E2F2: variants seen among roughly 807,000 people sequenced by gnomAD.
E2F2 encodes E2F transcription factor 2.
E2F2 carries 22 observed loss-of-function variants against 42.2 expected under a neutral mutation model. That is an observed-to-expected ratio of 0.52 (90% confidence interval 0.37 to 0.74). The LOEUF (loss-of-function observed/expected upper bound fraction) is 0.74. E2F2 is among the 30% of genes least tolerant of loss of function. The pLI is 0.00. For synonymous variants in E2F2, 248 were observed against 251.6 expected, an observed-to-expected ratio of 0.99 and a Z score of 0.13; for missense variants, 481 against 557.8, an observed-to-expected ratio of 0.86 and a Z score of 1.39.
At chr1:23,527,401 T>C (rs1643268965) in intron 1 of E2F2, among the ~76,000 whole-genome samples, 1 of 152,228 alleles carries the variant, frequency 6.6e-6, no homozygotes, top group East Asian at 1.9e-4. Context: ...CTGGACGCTC[T>C]TAGGCAGCCC....
intron 3 of E2F2, chr1:23,521,597 C>T (rs1187172351): frequency 1.5e-5 from 15 of 985,290 alleles, no homozygotes; most frequent in South Asian, 1.4e-4. Context: ...CTCCACTCTG[C>T]CCCGCATCAC....
chr1:23,517,271 A>T (rs1000868358), intron 5 of E2F2, among the ~76,000 whole-genome samples: 1 of 152,096 alleles, frequency 6.6e-6, no homozygotes, highest in Non-Finnish European at 1.5e-5. Context: ...CTTCCCTACC[A>T]CATAACCGCA....
intron 3 of E2F2, chr1:23,521,475 T>C (rs1471071236): frequency 5.6e-6 from 5 of 895,198 alleles, no homozygotes; most frequent in Non-Finnish European, 6.7e-6. Context: ...GGGATCCCCC[T>C]ACTTAGCTCC....
rs1457500779 is a variant in E2F2, at chr1:23,530,097, G to T, written c.252+445C>A. On this transcript the variant is annotated intron_variant, in intron 1 of 6. Transcript: ENST00000361729. The surrounding 1 kb of genome is among the most constrained non-coding windows in gnomAD (Gnocchi z 4.4). ...AGTCTGTCCATGGCAGATTGGATGT[G>T]AGAGACCCACTAGACCTATCCCTCT... is the stretch of plus-strand genomic sequence containing the variant. 6.6e-6 allele frequency among the ~76,000 whole-genome samples: 1 copy of T among 152,212 alleles called. No individual in the cohort carries two copies. Among genetic ancestry groups the T allele is most frequent in the Non-Finnish European group, 1.5e-5 (1 of 68,038 alleles).
intron 4 of E2F2, among the ~76,000 whole-genome samples, chr1:23,520,642 C>G (rs1643122002): frequency 6.6e-6 from 1 of 152,076 alleles, no homozygotes; most frequent in African/African-American, 2.4e-5. Flanking sequence ...ATTCAGGAGG[C>G]TGCGGTGGGA....
chr1:23,530,862 C>G lies in E2F2; in HGVS notation c.-69G>C. 7.1e-7 allele frequency: 1 copy of G among 1,411,524 alleles called. No individual in the cohort carries two copies. Among genetic ancestry groups the G allele is most frequent in the Non-Finnish European group, 9.2e-7 (1 of 1,085,634 alleles). The allele number at this position is 1,411,524 out of a possible 1,614,324, so 87.4% of individuals were successfully genotyped here. ...CGGACACCTGCGGGTTCCGGTGCTG[C>G]CGCCTTTCACACGGCCCGCGGCATG... On this transcript the variant is annotated 5_prime_UTR_variant, in exon 1 of 7. Transcript: ENST00000361729. This position sits in a 1 kb window ranked among gnomAD's most constrained non-coding sequence, Gnocchi z 4.4.
rs1243545997 is a variant in E2F2, at chr1:23,524,098, C to CA, written c.358+284dup. On this transcript the variant is annotated intron_variant, in intron 2 of 6. Coordinates refer to ENST00000361729, the MANE Select transcript of E2F2 (RefSeq NM_004091.4). The stretch of plus-strand genomic sequence containing the variant: ...ACAACAACAACAACAACAACAACAA[C>CA]AACAACAAAAAAAAACACAGAAGTA... Among the ~76,000 whole-genome samples, 72 of 128,652 alleles carry CA rather than the reference C, an allele frequency of 5.6e-4. 1 individual carries two copies. The East Asian group carries it at 6.5e-3, about 12-fold the overall frequency. The allele number at this position is 128,652 out of a possible 152,430, so 84.4% of individuals were successfully genotyped here.
chr1:23,513,252 ACT>A (rs1032714770), intron 6 of E2F2, among the ~76,000 whole-genome samples: 2 of 151,554 alleles, frequency 1.3e-5, no homozygotes, highest in African/African-American at 4.9e-5. Context: ...AAAGTGATTC[ACT>A]CACAGTCACC....
chr1:23,509,931 G>C lies in E2F2; in HGVS notation c.1263C>G (p.Gly421=). The change falls in exon 7 of 7, where the codon GGC becomes GGG. Residue 421 remains glycine (G), a synonymous_variant. Coordinates refer to ENST00000361729, the MANE Select transcript of E2F2 (RefSeq NM_004091.4). ...CGTAGGAGTCGAAGAGATCGCTGAT[G>C]CCCTCACCCGCCTCCAAGCCCCACA... ...DYLWGLEAGE[G]ISDLFDSYDL... The C allele has an allele frequency of 6.2e-7, 1 of 1,602,038 alleles. No homozygotes were observed. The highest frequency in any genetic ancestry group is 8.5e-7 in the Non-Finnish European group (1 of 1,173,186).
chr1:23,517,011 C>T lies in E2F2; in HGVS notation c.853-484G>A, dbSNP rs3218184. ...GGTATCATAAAAGCTACCTCTACCA[C>T]CACAAGGAGAGAGCCCACCTGGGAA... On this transcript the variant is annotated intron_variant, in intron 5 of 6. Coordinates refer to ENST00000361729, the MANE Select transcript of E2F2 (RefSeq NM_004091.4). Among the ~76,000 whole-genome samples the T allele has an allele frequency of 8.2e-4, 125 of 152,266 alleles. 1 individual carries two copies. The Middle Eastern group carries it at 0.01, about 12-fold the overall frequency.
Position 23,507,391 on chromosome 1 carries a change from C to G in E2F2, c.*2489G>C, listed in dbSNP as rs1336876974. 1 of 152,140 alleles carries G rather than the reference C, an allele frequency of 6.6e-6. No individual in the cohort carries two copies. The highest frequency in any genetic ancestry group is 1.5e-5 in the Non-Finnish European group (1 of 68,272). The allele number at this position is 152,140 out of a possible 1,614,324, so 9.4% of individuals were successfully genotyped here. Reference sequence around the variant, plus strand: ...ATTAGCCGGGCGTGGTGGTGCATGTCTATAGTCCCAGCTACTCTGGAGGCT... The same window carrying G: ...ATTAGCCGGGCGTGGTGGTGCATGTGTATAGTCCCAGCTACTCTGGAGGCT... On this transcript the variant is annotated 3_prime_UTR_variant, in exon 7 of 7. Coordinates refer to ENST00000361729, the MANE Select transcript of E2F2 (RefSeq NM_004091.4).
At chr1:23,529,251 C>G (rs941540448) in intron 1 of E2F2, among the ~76,000 whole-genome samples, 12 of 152,150 alleles carry the variant, frequency 7.9e-5, no homozygotes, top group Admixed American at 2.0e-4. Context: ...ATACCCAATC[C>G]CAGTTATCCT....
At chr1:23,524,347 C>G (rs749980087) in intron 2 of E2F2, 36 bp downstream of exon 2, 4 of 1,523,154 alleles carry the variant, frequency 2.6e-6, no homozygotes, top group Non-Finnish European at 3.6e-6. Context: ...TGCCCCTGCC[C>G]CACCCCACCC....
chr1:23,514,437 C>T (rs934654410), intron 6 of E2F2, among the ~76,000 whole-genome samples: 1 of 152,098 alleles, frequency 6.6e-6, no homozygotes, highest in African/African-American at 2.4e-5. Flanking sequence ...GGGCTCTGGT[C>T]CCAGCTCTGC....
At chr1:23,515,311 C>T (rs1642997227) in intron 6 of E2F2, among the ~76,000 whole-genome samples, 1 of 152,234 alleles carries the variant, frequency 6.6e-6, no homozygotes, top group African/African-American at 2.4e-5. Flanking sequence ...CTCTCAGGAA[C>T]TTTGCTCCCT....
intron 4 of E2F2, 137 bp downstream of exon 4, chr1:23,520,776 C>T: frequency 1.2e-6 from 1 of 808,658 alleles, no homozygotes; most frequent in Non-Finnish European, 1.7e-6. Flanking sequence ...TAAAAATAGA[C>T]TTGAGAAGAA....
rs1399376079 is a variant in E2F2 at position 23,507,781 on chromosome 1, G to A, written c.*2099C>T. ...CAGCTCCCCTGACCAGCCATATGGAGAGGCCTCTAGGGCATGAGCTTACAT... is the reference window on the plus strand; with the variant it reads ...CAGCTCCCCTGACCAGCCATATGGAAAGGCCTCTAGGGCATGAGCTTACAT... On this transcript the variant is annotated 3_prime_UTR_variant, in exon 7 of 7. Coordinates refer to ENST00000361729, the MANE Select transcript of E2F2 (RefSeq NM_004091.4). 6.6e-6 allele frequency: 1 copy of A among 152,294 alleles called. No homozygotes were observed. The highest frequency in any genetic ancestry group is 1.9e-4 in the East Asian group (1 of 5,190). 9.4% of individuals were successfully genotyped at this position (152,294 alleles called of 1,614,324 possible). A position where few individuals can be genotyped will look rare whatever the true frequency, so the allele number is the denominator to read the frequency against.
chr1:23,527,394 G>A (rs1643268781), intron 1 of E2F2, among the ~76,000 whole-genome samples: 1 of 152,206 alleles, frequency 6.6e-6, no homozygotes, highest in Admixed American at 6.5e-5. Context: ...CCCTATCCTG[G>A]ACGCTCTTAG....
At chr1:23,514,965 TG>T (rs1298930523) in intron 6 of E2F2, among the ~76,000 whole-genome samples, 2 of 152,108 alleles carry the variant, frequency 1.3e-5, no homozygotes, top group Non-Finnish European at 2.9e-5. Context: ...TCTTAGCTCA[TG>T]GGTCATTAAA....
Sources: allele counts gnomAD v4.1 joint callset (sites outside exome capture counted in the v4.1 genomes callset), GRCh38; gene constraint gnomAD v4.1.1; non-coding constraint Gnocchi (gnomAD v3.1); transcripts MANE v1.5; gene names NCBI Gene and HGNC (gene_info 2026-07-23, HGNC 2026-07-21).